EVC2: variants seen among roughly 807,000 people sequenced by gnomAD.
EVC2 encodes the protein EvC ciliary complex subunit 2.
In EVC2, 148 loss-of-function variants were observed where a neutral mutation model predicts 149.3. The observed-to-expected ratio is 0.99, with a 90% confidence interval of 0.87 to 1.14. EVC2 has a LOEUF of 1.14. Among genes scored for constraint, EVC2 ranks in the 50% most tolerant of loss-of-function variants. The pLI is 0.00. For synonymous variants in EVC2, 776 were observed against 649.9 expected (o/e 1.19, Z -2.95); for missense variants, 1,854 against 1,627.3 (o/e 1.14, Z -2.40).
rs761351610 is a variant in EVC2 at position 5,622,956 on chromosome 4, G to A, written c.2082C>T (p.Gly694=). ...CATCCTCAACCGTTCGGAAGGCCTC[G>A]CCGACGGACGCCTGCTCCCTACGCT... is the stretch of plus-strand genomic sequence containing the variant. The part of the protein sequence containing the change: ...REQRREQASV[G]EAFRTVEDAG... Residue 694 remains glycine (G), a synonymous_variant, in exon 14 of 22, where the codon GGC becomes GGT. Coordinates refer to ENST00000344408, the MANE Select transcript of EVC2 (RefSeq NM_147127.5). This position sits in a 1 kb window ranked among gnomAD's most constrained non-coding sequence, Gnocchi z 5.8. 1.5e-5 allele frequency: 24 copies of A among 1,613,892 alleles called. No homozygotes were observed. Among genetic ancestry groups the A allele is most frequent in the African/African-American group, 5.3e-5 (4 of 74,898 alleles).
intron 7 of EVC2, among the ~76,000 whole-genome samples, chr4:5,675,718 G>A (rs1477220582): frequency 6.6e-6 from 1 of 152,148 alleles, no homozygotes; most frequent in Non-Finnish European, 1.5e-5. Flanking sequence ...GCTGAGGTGG[G>A]TGGATCACCT....
At chr4:5,689,833 C>A (rs1013496486) in intron 4 of EVC2, among the ~76,000 whole-genome samples, 9 of 152,180 alleles carry the variant, frequency 5.9e-5, no homozygotes, top group Non-Finnish European at 8.8e-5. Context: ...GTCTCAGTGG[C>A]TCTACTGCCA....
At chr4:5,598,279 G>C (rs1208834938) in intron 16 of EVC2, among the ~76,000 whole-genome samples, 1 of 151,872 alleles carries the variant, frequency 6.6e-6, no homozygotes, top group African/African-American at 2.4e-5. Flanking sequence ...TAAGCCAAAA[G>C]AACAAAGCTG....
chr4:5,655,228 GA>G (rs1718437721), intron 9 of EVC2, among the ~76,000 whole-genome samples: 1 of 152,162 alleles, frequency 6.6e-6, no homozygotes, highest in Admixed American at 6.5e-5. Flanking sequence ...CACCTCTCAG[GA>G]AATCCAGAAG....
At chr4:5,681,840 C>T (rs748658731) in intron 6 of EVC2, among the ~76,000 whole-genome samples, 5 of 152,152 alleles carry the variant, frequency 3.3e-5, no homozygotes, top group Admixed American at 6.5e-5. Context: ...CCTGTCTAAC[C>T]GCATGGTGAC....
intron 11 of EVC2, 77 bp from the exon 12 acceptor site, chr4:5,628,811 T>C: frequency 1.4e-6 from 2 of 1,404,276 alleles, no homozygotes; most frequent in South Asian, 1.3e-5. Context: ...ATTTAAAATA[T>C]TATTTTTCCT....
At chr4:5,600,155 G>A (rs1713855275) in intron 16 of EVC2, among the ~76,000 whole-genome samples, 1 of 152,142 alleles carries the variant, frequency 6.6e-6, no homozygotes, top group African/African-American at 2.4e-5. Context: ...AACTAGCTGT[G>A]TGACCAAGGC....
chr4:5,610,707 G>A lies in EVC2; in HGVS notation c.2829+4715C>T, dbSNP rs145156368. 2.8e-3 allele frequency among the ~76,000 whole-genome samples: 431 copies of A among 152,028 alleles called. 1 individual carries two copies. The highest frequency in any genetic ancestry group is 9.6e-3 in the African/African-American group (397 of 41,488). On this transcript the variant is annotated intron_variant, in intron 16 of 21. Transcript: ENST00000344408. Reference sequence around the variant, plus strand: ...TGCTCACCTCCCAGGCTCACCTGCCGGGCTCACCTGCCTGGTTCAGCTGGT... The same window carrying A: ...TGCTCACCTCCCAGGCTCACCTGCCAGGCTCACCTGCCTGGTTCAGCTGGT...
chr4:5,584,778 C>T lies in EVC2; in HGVS notation c.2902G>A (p.Val968Ile), dbSNP rs764554479. The T allele has an allele frequency of 3.7e-6, 6 of 1,614,172 alleles. No individual in the cohort carries two copies. The highest frequency in any genetic ancestry group is 1.6e-4 in the Middle Eastern group (1 of 6,062). Residue 968 changes from valine to isoleucine, a missense_variant, in exon 17 of 22, where the codon GTT becomes ATT. Transcript: ENST00000344408. The stretch of plus-strand genomic sequence containing the variant: ...GACGCCTTCTGGAACTGCAGAGCAA[C>T]AAGCGACTGTGCAAAGCCTCCCTCC... ...AQEGGFAQSLVALQFQKASRV... is the reference protein window; with the variant it reads ...AQEGGFAQSLIALQFQKASRV...
In EVC2 at chr4:5,567,018, T is replaced by G. The variant is rs73072302; in HGVS notation, c.3557+1426A>C. Among the ~76,000 whole-genome samples the G allele has an allele frequency of 2.5e-3, 381 of 152,216 alleles. No individual in the cohort carries two copies. The highest frequency in any genetic ancestry group is 7.6e-3 in the African/African-American group (316 of 41,528). ...GCTCCTAATATTCCATGGAGGAGCG[T>G]AGCATAGAGCATGTAACTGTCATCC... On this transcript the variant is annotated intron_variant, in intron 20 of 21. Transcript: ENST00000344408. The surrounding 1 kb of genome is among the most constrained non-coding windows in gnomAD (Gnocchi z 4.4).
Position 5,576,274 on chromosome 4 carries a change from T to G in EVC2, c.3238A>C (p.Lys1080Gln). The change falls in exon 18 of 22, where the codon AAG becomes CAG. Residue 1080 changes from lysine to glutamine, a missense_variant. Coordinates refer to ENST00000344408, the MANE Select transcript of EVC2 (RefSeq NM_147127.5). This position sits in a 1 kb window ranked among gnomAD's most constrained non-coding sequence, Gnocchi z 4.5. ...VSTVLHQALS[K>Q]SQTLLEQHQQ... is the part of the protein sequence containing the mutation. The stretch of plus-strand genomic sequence containing the variant: ...TGTTGCTCCAGTAATGTCTGGCTCT[T>G]GCTCAGGGCTTGGTGCAGGACAGTA... 6.2e-7 allele frequency: 1 copy of G among 1,614,166 alleles called. No homozygotes were observed. Among genetic ancestry groups the G allele is most frequent in the Non-Finnish European group, 8.5e-7 (1 of 1,180,020 alleles).
intron 17 of EVC2, among the ~76,000 whole-genome samples, chr4:5,579,752 A>G (rs1711593850): frequency 6.6e-6 from 1 of 152,162 alleles, no homozygotes; most frequent in Non-Finnish European, 1.5e-5. Context: ...GGGGGAGGAC[A>G]ATCAATTGAA....
rs947670023 is a variant in EVC2, at chr4:5,708,339, C to T, written c.175G>A (p.Gly59Ser). 2.0e-6 allele frequency: 3 copies of T among 1,474,962 alleles called. No individual in the cohort carries two copies. Among genetic ancestry groups the T allele is most frequent in the Non-Finnish European group, 2.7e-6 (3 of 1,118,830 alleles). The allele number at this position is 1,474,962 out of a possible 1,614,324, so 91.4% of individuals were successfully genotyped here. A position where few individuals can be genotyped will look rare whatever the true frequency, so the allele number is the denominator to read the frequency against. ...DPQVAPRSGP[G>S]LRIPPGRSGA... ...CTCCGCCCCGGAGGGATCCTCAGGC[C>T]GGGCCCAGACCTAGGAGCCACCTGG... Residue 59 changes from glycine (G) to serine (S), a missense_variant, in exon 1 of 22, where the codon GGC (glycine) becomes AGC (serine). Transcript: ENST00000344408.
intron 17 of EVC2, among the ~76,000 whole-genome samples, chr4:5,580,937 G>A (rs187336030): frequency 8.9e-4 from 136 of 152,204 alleles, no homozygotes; most frequent in African/African-American, 3.0e-3. Context: ...GTGAGTTGTA[G>A]TGAGATCTGG....
At chr4:5,549,648 C>T (rs1577087859) in intron 21 of EVC2, among the ~76,000 whole-genome samples, 1 of 152,140 alleles carries the variant, frequency 6.6e-6, no homozygotes, top group Non-Finnish European at 1.5e-5. Context: ...AGTGACAGAA[C>T]CGAGAATGAA....
chr4:5,565,237 T>G lies in EVC2; in HGVS notation c.3659+21A>C, dbSNP rs778589981. On this transcript the variant is annotated intron_variant, in intron 21 of 21. Coordinates refer to ENST00000344408, the MANE Select transcript of EVC2 (RefSeq NM_147127.5). ...TTAGCTCACCCCCTCCCCAGCCACA[T>G]GAGCAGGTGCCCATCATTACCTCTG... The G allele has an allele frequency of 3.1e-6, 5 of 1,609,944 alleles. No homozygotes were observed. In the African/African-American group the frequency reaches 6.7e-5, roughly 22 times the overall value.
At chr4:5,584,096 A>T (rs1384645336) in intron 17 of EVC2, among the ~76,000 whole-genome samples, 1 of 152,104 alleles carries the variant, frequency 6.6e-6, no homozygotes, top group Admixed American at 6.5e-5. Context: ...TTTCCTTATT[A>T]TAAGTAATTA....
intron 1 of EVC2, among the ~76,000 whole-genome samples, chr4:5,705,840 A>G (rs1334817037): frequency 6.6e-6 from 1 of 152,094 alleles, no homozygotes; most frequent in Admixed American, 6.6e-5. Context: ...GACGCCAGGG[A>G]TTCCCTGGGC....
chr4:5,697,079 A>C (rs1162859870), intron 2 of EVC2, among the ~76,000 whole-genome samples: 4 of 152,204 alleles, frequency 2.6e-5, no homozygotes, highest in Non-Finnish European at 4.4e-5. Flanking sequence ...GGAGGAGGGC[A>C]GTATCCCCAA....
Sources: allele counts gnomAD v4.1 joint callset (sites outside exome capture counted in the v4.1 genomes callset), GRCh38; gene constraint gnomAD v4.1.1; non-coding constraint Gnocchi (gnomAD v3.1); transcripts MANE v1.5; gene names NCBI Gene and HGNC (gene_info 2026-07-23, HGNC 2026-07-21).